TRPM3: variants seen among roughly 807,000 people sequenced by gnomAD.
The protein encoded by TRPM3 is transient receptor potential cation channel subfamily M member 3.
TRPM3 carries 77 observed loss-of-function variants against 181.2 expected under a neutral mutation model. That is an observed-to-expected ratio of 0.42 (90% CI 0.35 to 0.51). The LOEUF is 0.51. Among genes scored for constraint, TRPM3 ranks in the 20% least tolerant of loss-of-function variants. The probability of loss-of-function intolerance (pLI) is 0.01; values close to 1 mark genes in which losing one functional copy is unlikely to be tolerated. For missense variants in TRPM3, 1,759 were observed against 2,196.7 expected (o/e 0.80, Z 3.98); for synonymous variants, 745 against 796.4 (o/e 0.94, Z 1.09).
At chr9:71,332,110 C>T (rs937594767) in intron 1 of TRPM3, among the ~76,000 whole-genome samples, 2 of 151,328 alleles carry the variant, frequency 1.3e-5, no homozygotes, top group South Asian at 2.1e-4. Flanking sequence ...ATAACAAAAT[C>T]AACGTATCTA....
At chr9:71,131,624 T>C (rs1267712131) in intron 1 of TRPM3, among the ~76,000 whole-genome samples, 3 of 152,188 alleles carry the variant, frequency 2.0e-5, no homozygotes, top group African/African-American at 7.2e-5. Context: ...GACTATTGCT[T>C]GTCTATAAAC....
chr9:71,121,272 C>T lies in TRPM3; in HGVS notation c.83G>A (p.Gly28Glu), dbSNP rs767296818. 1.2e-6 allele frequency: 2 copies of T among 1,614,118 alleles called. No individual in the cohort carries two copies. Among genetic ancestry groups the T allele is most frequent in the Non-Finnish European group, 1.7e-6 (2 of 1,180,000 alleles). The change falls in exon 1 of 26, where the codon GGG (glycine) becomes GAG (glutamate). Residue 28 changes from glycine to glutamate, a missense_variant. This residue lies in a region of TRPM3 where 737 missense variants were observed against 957.4 expected (regional missense o/e 0.77). Transcript: ENST00000677713. ...SFLFSWWNLE[G>E]VMNQADAPRP... ...AGGAGCATCAGCCTGATTCATGACCCCTTCCAAATTCCACCAGGAAAACAA... is the reference window on the plus strand; with the variant it reads ...AGGAGCATCAGCCTGATTCATGACCTCTTCCAAATTCCACCAGGAAAACAA...
At chr9:70,923,304 G>T (rs1297032128) in intron 1 of TRPM3, among the ~76,000 whole-genome samples, 1 of 152,054 alleles carries the variant, frequency 6.6e-6, no homozygotes, top group Non-Finnish European at 1.5e-5. Context: ...TCACAAAACT[G>T]CAATTTTGCA....
intron 1 of TRPM3, among the ~76,000 whole-genome samples, chr9:71,329,443 T>C (rs1406146259): frequency 6.6e-6 from 1 of 152,152 alleles, no homozygotes; most frequent in Non-Finnish European, 1.5e-5. Context: ...CCCAAAGCCT[T>C]ATAGGTGAGC....
chr9:71,152,450 A>G (rs2075783305), intron 1 of TRPM3, among the ~76,000 whole-genome samples: 1 of 152,164 alleles, frequency 6.6e-6, no homozygotes, highest in African/African-American at 2.4e-5. Context: ...TTGGACTACA[A>G]ATACAGTTTG....
rs757882576 is a variant in TRPM3 at position 70,603,389 on chromosome 9, T to C, written c.2749A>G (p.Ile917Val). The C allele has an allele frequency of 6.2e-7, 1 of 1,614,106 alleles. No individual in the cohort carries two copies. The highest frequency in any genetic ancestry group is 2.2e-5 in the East Asian group (1 of 44,880). ...MERWPSTQEW[I>V]VISYIFTLGI... ...AGGGTGAAAATATAGGAGATTACGA[T>C]CCATTCCTGGGTGGACGGCCAGCGT... Residue 917 changes from isoleucine to valine, a missense_variant, in exon 20 of 26, where the codon ATC becomes GTC. Physicochemically the swap from Ile to Val is conservative, Grantham distance 29. Transcript: ENST00000677713.
At chr9:71,283,422 G>A (rs1371061847) in intron 1 of TRPM3, among the ~76,000 whole-genome samples, 3 of 151,834 alleles carry the variant, frequency 2.0e-5, no homozygotes, top group South Asian at 2.1e-4. Flanking sequence ...TCAGCCTCCC[G>A]AGTAGCTGGG....
At chr9:71,433,602 A>G (rs1350433584) in intron 1 of TRPM3, among the ~76,000 whole-genome samples, 2 of 152,214 alleles carry the variant, frequency 1.3e-5, no homozygotes, top group African/African-American at 2.4e-5. Context: ...ATCTACAAAC[A>G]TGGTTGTTAA....
intron 1 of TRPM3, among the ~76,000 whole-genome samples, chr9:71,070,004 C>T (rs550325202): frequency 1.3e-5 from 2 of 152,290 alleles, no homozygotes; most frequent in African/African-American, 4.8e-5. Flanking sequence ...CAGTCTAATA[C>T]TTTAATATGC....
intron 8 of TRPM3, among the ~76,000 whole-genome samples, chr9:70,750,770 G>A (rs986939302): frequency 1.3e-5 from 2 of 152,172 alleles, no homozygotes; most frequent in Admixed American, 6.5e-5. Flanking sequence ...GTAGGGCTGG[G>A]AAGCACTGGA....
At chr9:70,842,226 C>T (rs10868906) in intron 5 of TRPM3, among the ~76,000 whole-genome samples, 85,771 of 151,406 alleles carry the variant, frequency 0.57, 24,611 homozygotes, top group Non-Finnish European at 0.58. Context: ...AAATGCAAGC[C>T]CCTGGGGAAA....
intron 1 of TRPM3, among the ~76,000 whole-genome samples, chr9:71,178,076 G>C (rs1401926174): frequency 1.3e-5 from 2 of 151,756 alleles, no homozygotes; most frequent in Admixed American, 6.6e-5. Context: ...TTCTAGATAA[G>C]ATTTTTATCA....
At chr9:70,547,354 C>T (rs1264803333) in intron 25 of TRPM3, among the ~76,000 whole-genome samples, 1 of 151,884 alleles carries the variant, frequency 6.6e-6, no homozygotes, top group South Asian at 2.1e-4. Flanking sequence ...GTAAATAAGA[C>T]AGGTGATTTC....
intron 8 of TRPM3, among the ~76,000 whole-genome samples, chr9:70,699,547 G>A (rs74609634): frequency 0.036 from 5,412 of 152,272 alleles, 100 homozygotes; most frequent in Middle Eastern, 0.061. Flanking sequence ...TAAACACTAG[G>A]CCTTGAGCCA....
intron 5 of TRPM3, 114 bp downstream of exon 5, chr9:70,842,889 G>T: frequency 1.0e-6 from 1 of 999,914 alleles, no homozygotes; most frequent in African/African-American, 1.6e-5. Context: ...TCATTTTAGT[G>T]AGTAGAGACC....
At chr9:71,226,947 T>G (rs1167956197) in intron 1 of TRPM3, among the ~76,000 whole-genome samples, 1 of 151,858 alleles carries the variant, frequency 6.6e-6, no homozygotes, top group Non-Finnish European at 1.5e-5. Context: ...CACATTCTTC[T>G]TCTCAGTACA....
Position 71,121,241 on chromosome 9 carries a change from G to A in TRPM3, c.114C>T (p.Pro38=), listed in dbSNP as rs199812882. ...GVMNQADAPR[P]LNWTIRKLCH... The stretch of plus-strand genomic sequence containing the variant: ...ACAGCTTCCGGATGGTCCAGTTTAG[G>A]GGTCGAGGAGCATCAGCCTGATTCA... The change falls in exon 1 of 26, where the codon CCC becomes CCT. Residue 38 remains proline, a synonymous_variant. Transcript: ENST00000677713. 1.2e-6 allele frequency: 2 copies of A among 1,614,116 alleles called. No homozygotes were observed. The highest frequency in any genetic ancestry group is 1.3e-5 in the African/African-American group (1 of 75,036).
At chr9:71,018,387 G>C (rs1048423342) in intron 1 of TRPM3, among the ~76,000 whole-genome samples, 3 of 151,650 alleles carry the variant, frequency 2.0e-5, no homozygotes, top group African/African-American at 7.2e-5. Context: ...GCAAAAGGTG[G>C]TTTTTAGAAA....
intron 1 of TRPM3, among the ~76,000 whole-genome samples, chr9:71,302,217 A>G (rs11999471): frequency 0.022 from 3,335 of 152,318 alleles, 119 homozygotes; most frequent in African/African-American, 0.075. Context: ...ATCACACAGA[A>G]TAAAAGTTAT....
Sources: gnomAD v4.1 joint callset for allele counts (sites outside exome capture counted in the v4.1 genomes callset) on GRCh38, gnomAD v4.1.1 for gene constraint, gnomAD v4.1.1 regional missense constraint, MANE v1.5 for transcripts, NCBI Gene and HGNC (gene_info 2026-07-23, HGNC 2026-07-21) for gene names.